CELSR2: variants seen among roughly 807,000 people sequenced by gnomAD.
The protein encoded by CELSR2 is cadherin EGF LAG seven-pass G-type receptor 2.
CELSR2 carries 81 observed loss-of-function variants against 251.6 expected under a neutral mutation model. That is an observed-to-expected ratio of 0.32 (90% CI 0.27 to 0.39). The LOEUF (loss-of-function observed/expected upper bound fraction) is 0.39. Among genes scored for constraint, CELSR2 ranks in the 10% least tolerant of loss-of-function variants. The pLI is 1.00. For synonymous variants in CELSR2, 1,721 were observed against 1,670.5 expected, an observed-to-expected ratio of 1.03 and a Z score of -0.74; for missense variants, 3,365 against 3,947.7, an observed-to-expected ratio of 0.85 and a Z score of 3.96.
chr1:109,253,292 C>G lies in CELSR2; in HGVS notation c.3213C>G (p.Ser1071Arg), dbSNP rs1234148289. 3 of 1,613,352 alleles carry G rather than the reference C, an allele frequency of 1.9e-6. No individual in the cohort carries two copies. The highest frequency in any genetic ancestry group is 2.5e-6 in the Non-Finnish European group (3 of 1,180,048). Residue 1071 changes from serine to arginine, a missense_variant, in exon 1 of 34, where the codon AGC becomes AGG. Physicochemically the swap from Ser to Arg is moderately radical, Grantham distance 110 (BLOSUM62 -1). Coordinates refer to ENST00000271332, the MANE Select transcript of CELSR2 (RefSeq NM_001408.3). ...GCTTTGAGCGGGGAAATGAACTCAG[C>G]CTGGTCCTGCTCAATGCCTCCACGG... The part of the protein sequence containing the change: ...TYSFERGNEL[S>R]LVLLNASTGE...
rs1228381385 is a variant in CELSR2, at chr1:109,253,340, A to C, written c.3261A>C (p.Ala1087=). The C allele has an allele frequency of 2.5e-6, 4 of 1,613,230 alleles. No homozygotes were observed. The highest frequency in any genetic ancestry group is 3.4e-6 in the Non-Finnish European group (4 of 1,180,036). The change falls in exon 1 of 34, where the codon GCA becomes GCC. Residue 1087 remains alanine (A), a synonymous_variant. Transcript: ENST00000271332. ...CGGGTGAGCTGAAGCTAAGCCGCGC[A>C]CTGGACAACAACCGGCCTCTGGAGG... is the stretch of plus-strand genomic sequence containing the variant. ...ASTGELKLSR[A]LDNNRPLEAI... is the part of the protein sequence containing the mutation.
rs1173282111 is a variant in CELSR2 at position 109,273,178 on chromosome 1, G to A, written c.8351G>A (p.Gly2784Glu). 6.2e-7 allele frequency: 1 copy of A among 1,608,670 alleles called. No homozygotes were observed. The highest frequency in any genetic ancestry group is 1.1e-5 in the South Asian group (1 of 90,436). The change falls in exon 32 of 34, where the codon GGG (glycine) becomes GAG (glutamate). Residue 2784 changes from glycine (G) to glutamate (E), a missense_variant. Around this residue, in one of 5 missense-constraint regions of CELSR2, gnomAD observed 2,093 missense variants for 2,382.8 expected, o/e 0.88. Transcript: ENST00000271332. ...LHSTPKDGGP[G>E]PGKAPWPGDF... ...CTTTCCCCACCAGATGGGGGCCCAG[G>A]GCCTGGCAAGGCCCCCTGGCCAGGA...
Position 109,271,600 on chromosome 1 carries a change from G to A in CELSR2, c.7804G>A (p.Gly2602Ser). 5.6e-6 allele frequency: 9 copies of A among 1,614,134 alleles called. No individual in the cohort carries two copies. Among genetic ancestry groups the A allele is most frequent in the Non-Finnish European group, 7.6e-6 (9 of 1,180,036 alleles). Residue 2602 changes from glycine to serine, a missense_variant and splice_region_variant, in exon 28 of 34, where the codon GGC becomes AGC. Around this residue, in one of 5 missense-constraint regions of CELSR2, gnomAD observed 2,093 missense variants for 2,382.8 expected, o/e 0.88. Transcript: ENST00000271332. ...ACCGTTGCTGCCTCTTGCCTGCCAG[G>A]GCCCCTTCATCTTCCTCTCCTATGT... ...YLFATCNCIQ[G>S]PFIFLSYVVL...
chr1:109,252,366 G>C lies in CELSR2; in HGVS notation c.2287G>C (p.Asp763His). The stretch of plus-strand genomic sequence containing the variant: ...CATCCCCCAGTTCCGCATCGATGCA[G>C]ACACGGGGGCTGTCACCACCCAGGC... Reference protein sequence around the residue: ...DSIPQFRIDADTGAVTTQAEL... With the variant: ...DSIPQFRIDAHTGAVTTQAEL... The change falls in exon 1 of 34, where the codon GAC (aspartate) becomes CAC (histidine). Residue 763 changes from aspartate to histidine, a missense_variant. Physicochemically the swap from Asp to His is moderately conservative, Grantham distance 81. This residue lies in a region of CELSR2 where 505 missense variants were observed against 660.0 expected (regional missense o/e 0.77). Coordinates refer to ENST00000271332, the MANE Select transcript of CELSR2 (RefSeq NM_001408.3). This position sits in a 1 kb window ranked among gnomAD's most constrained non-coding sequence, Gnocchi z 4.8. 1.2e-6 allele frequency: 2 copies of C among 1,613,078 alleles called. No homozygotes were observed. Among genetic ancestry groups the C allele is most frequent in the Non-Finnish European group, 8.5e-7 (1 of 1,180,022 alleles).
chr1:109,259,291 C>G (rs111637989), intron 2 of CELSR2, among the ~76,000 whole-genome samples: 121 of 152,376 alleles, frequency 7.9e-4, no homozygotes, highest in African/African-American at 2.9e-3. Flanking sequence ...ACAGGACACA[C>G]AGGCAGTGCC....
rs577171170 is a variant in CELSR2, at chr1:109,263,903, G to A, written c.5001+126G>A. 5.9e-5 allele frequency: 83 copies of A among 1,401,764 alleles called. No homozygotes were observed. The African/African-American group carries it at 9.6e-4, about 16-fold the overall frequency. The allele number at this position is 1,401,764 out of a possible 1,614,324, so 86.8% of individuals were successfully genotyped here. A position where few individuals can be genotyped will look rare whatever the true frequency, so the allele number is the denominator to read the frequency against. The stretch of plus-strand genomic sequence containing the variant: ...GGGACATATAGAGGCCGCTGGATCC[G>A]TTGGGAAGGTCAATGCTGCCACCTG... On this transcript the variant is annotated intron_variant, in intron 9 of 33. Coordinates refer to ENST00000271332, the MANE Select transcript of CELSR2 (RefSeq NM_001408.3).
intron 9 of CELSR2, 23 bp from the exon 10 acceptor site, chr1:109,264,055 G>A (rs754389195): frequency 6.4e-7 from 1 of 1,551,266 alleles, no homozygotes; most frequent in Non-Finnish European, 8.7e-7. Flanking sequence ...TGCTGACCCT[G>A]TTTTCTTTCC....
chr1:109,251,413 G>A lies in CELSR2; in HGVS notation c.1334G>A (p.Gly445Glu). 1 of 1,614,000 alleles carries A rather than the reference G, an allele frequency of 6.2e-7. No individual in the cohort carries two copies. The highest frequency in any genetic ancestry group is 8.5e-7 in the Non-Finnish European group (1 of 1,180,022). Residue 445 changes from glycine to glutamate, a missense_variant, in exon 1 of 34, where the codon GGA (glycine) becomes GAA (glutamate). Physicochemically the swap from Gly to Glu is moderately conservative, Grantham distance 98. Coordinates refer to ENST00000271332, the MANE Select transcript of CELSR2 (RefSeq NM_001408.3). The surrounding 1 kb of genome is among the most constrained non-coding windows in gnomAD (Gnocchi z 4.9). ...AGCATCATGAGTGGCAATGCTCGGG[G>A]ACAGTTTTATCTGGATGCCCAGACT... The part of the protein sequence containing the change: ...HYSIMSGNAR[G>E]QFYLDAQTGA...
chr1:109,268,132 T>TG (rs1171367583), intron 17 of CELSR2, 72 bp downstream of exon 17: 4 of 1,526,386 alleles, frequency 2.6e-6, no homozygotes, highest in Non-Finnish European at 3.5e-6. Flanking sequence ...CATGGCAACC[T>TG]GGGGGGCAGA....
Position 109,269,080 on chromosome 1 carries a change from C to G in CELSR2, c.6632-30C>G. 1.3e-6 allele frequency: 2 copies of G among 1,597,626 alleles called. 1 individual carries two copies. The highest frequency in any genetic ancestry group is 2.2e-5 in the South Asian group (2 of 89,842). Reference sequence around the variant, plus strand: ...GTGCAGACTCCACAGAGAGCAGGGCCCAGCTAAGTGTGACAGTGTCCCCTC... The same window carrying G: ...GTGCAGACTCCACAGAGAGCAGGGCGCAGCTAAGTGTGACAGTGTCCCCTC... On this transcript the variant is annotated intron_variant, in intron 19 of 33. Coordinates refer to ENST00000271332, the MANE Select transcript of CELSR2 (RefSeq NM_001408.3). The surrounding 1 kb of genome is among the most constrained non-coding windows in gnomAD (Gnocchi z 6.4).
Position 109,273,653 on chromosome 1 carries a change from GGACTCGTCAGGC to G in CELSR2, c.8728_8739del (p.Asp2910_Gly2913del), listed in dbSNP as rs1656442014. 6.7e-7 allele frequency: 1 copy of G among 1,486,120 alleles called. No individual in the cohort carries two copies. Among genetic ancestry groups the G allele is most frequent in the Non-Finnish European group, 9.0e-7 (1 of 1,113,900 alleles). 92.1% of individuals were successfully genotyped at this position (1,486,120 alleles called of 1,614,324 possible). A position where few individuals can be genotyped will look rare whatever the true frequency, so the allele number is the denominator to read the frequency against. ...GCATCAAGGCAGGCACGGTGGATGA[GGACTCGTCAGGC>G]TCCGAGTGAGTGTGGCCGGGTGGGC... is the stretch of plus-strand genomic sequence containing the variant. On this transcript the variant is annotated inframe_deletion, in exon 33 of 34. Transcript: ENST00000271332.
In CELSR2 at chr1:109,262,421, G is replaced by C. The variant is rs777321139; in HGVS notation, c.4521G>C (p.Gln1507His). 2 of 1,614,044 alleles carry C rather than the reference G, an allele frequency of 1.2e-6. No individual in the cohort carries two copies. Among genetic ancestry groups the C allele is most frequent in the South Asian group, 2.2e-5 (2 of 91,080 alleles). The part of the protein sequence containing the change: ...SVLGNYSCAA[Q>H]GTQGGSKKSL... ...TGGGCAACTACTCCTGTGCTGCCCA[G>C]GGCACCCAGGGTGGCAGCAAGAAGT... The change falls in exon 6 of 34, where the codon CAG becomes CAC. Residue 1507 changes from glutamine to histidine, a missense_variant. Physicochemically the swap from Gln to His is conservative, Grantham distance 24. Transcript: ENST00000271332.
At position 109,271,211 on chromosome 1, in the gene CELSR2, G is replaced by A. The variant is rs764710813; in HGVS notation, c.7597-6G>A. The stretch of plus-strand genomic sequence containing the variant: ...TGAGCACCCCATGCCCTCTGCCCCT[G>A]CCTAGATGAGTGTCTTCCTGTACAT... On this transcript the variant is annotated splice_region_variant and splice_polypyrimidine_tract_variant and intron_variant, in intron 25 of 33. Transcript: ENST00000271332. The A allele has an allele frequency of 6.2e-7, 1 of 1,613,792 alleles. No homozygotes were observed. The highest frequency in any genetic ancestry group is 1.1e-5 in the South Asian group (1 of 91,062).
intron 10 of CELSR2, 25 bp downstream of exon 10, chr1:109,264,390 A>G: frequency 2.1e-6 from 2 of 969,760 alleles, no homozygotes; most frequent in Non-Finnish European, 3.0e-6. Context: ...CTGCCCTCCC[A>G]TCCCCTCCCC....
intron 8 of CELSR2, 124 bp from the exon 9 acceptor site, chr1:109,263,487 T>C: frequency 6.9e-7 from 1 of 1,444,914 alleles, no homozygotes. Flanking sequence ...GTACGCACTT[T>C]GGAGGGCGGG....
In CELSR2 at chr1:109,253,503, A is replaced by G. The variant is rs895699990; in HGVS notation, c.3310+114A>G. The G allele has an allele frequency of 1.2e-5, 17 of 1,465,500 alleles. No individual in the cohort carries two copies. In the East Asian group the frequency reaches 4.2e-4, roughly 36 times the overall value. The allele number at this position is 1,465,500 out of a possible 1,614,324, so 90.8% of individuals were successfully genotyped here. ...CAGCTACAGATCCACCTCCCTGCCC[A>G]GTGCCTGGCACAGAGCAGGAGGGGC... is the stretch of plus-strand genomic sequence containing the variant. On this transcript the variant is annotated intron_variant, in intron 1 of 33. Coordinates refer to ENST00000271332, the MANE Select transcript of CELSR2 (RefSeq NM_001408.3).
chr1:109,255,323 C>T (rs1326623585), intron 1 of CELSR2, among the ~76,000 whole-genome samples: 4 of 152,178 alleles, frequency 2.6e-5, no homozygotes, highest in Admixed American at 6.6e-5. Flanking sequence ...CCTGCTCCTG[C>T]GGCTCTCCGG....
rs1406593847 is a variant in CELSR2 at position 109,269,011 on chromosome 1, C to T, written c.6631+3C>T. Reference sequence around the variant, plus strand: ...TCTGCCTGAGTCTGTCTTCAGAGGTCAGTGGTGGCCATGGATTGAGTTGGG... The same window carrying T: ...TCTGCCTGAGTCTGTCTTCAGAGGTTAGTGGTGGCCATGGATTGAGTTGGG... On this transcript the variant is annotated splice_donor_region_variant and intron_variant, in intron 19 of 33. Coordinates refer to ENST00000271332, the MANE Select transcript of CELSR2 (RefSeq NM_001408.3). This position sits in a 1 kb window ranked among gnomAD's most constrained non-coding sequence, Gnocchi z 6.4. The T allele has an allele frequency of 1.2e-6, 2 of 1,608,620 alleles. No homozygotes were observed. The highest frequency in any genetic ancestry group is 1.7e-6 in the Non-Finnish European group (2 of 1,175,962).
Position 109,274,043 on chromosome 1 carries a change from G to T in CELSR2, c.8766G>T (p.Leu2922=). 1 of 1,614,046 alleles carries T rather than the reference G, an allele frequency of 6.2e-7. No homozygotes were observed. The highest frequency in any genetic ancestry group is 2.2e-5 in the East Asian group (1 of 44,854). The part of the protein sequence containing the change: ...SGSEFLFFNF[L]H The stretch of plus-strand genomic sequence containing the variant: ...CCAGATTTCTCTTCTTTAACTTCCT[G>T]CATTAACCCTGGGCCGTGGTTCCTA... Residue 2922 remains leucine, a synonymous_variant, in exon 34 of 34, where the codon CTG becomes CTT. Coordinates refer to ENST00000271332, the MANE Select transcript of CELSR2 (RefSeq NM_001408.3).
Sources: gnomAD v4.1 joint callset for allele counts (sites outside exome capture counted in the v4.1 genomes callset) on GRCh38, gnomAD v4.1.1 for gene constraint, gnomAD v4.1.1 regional missense constraint, Gnocchi (gnomAD v3.1) non-coding constraint, MANE v1.5 for transcripts, NCBI Gene and HGNC (gene_info 2026-07-23, HGNC 2026-07-21) for gene names.